The following BTNL8 variants were observed in gnomAD, a reference collection of about 807,000 sequenced individuals.
BTNL8 encodes butyrophilin like 8.
BTNL8 carries 22 observed loss-of-function variants against 36.1 expected under a neutral mutation model. The observed-to-expected ratio is 0.61, with a 90% confidence interval of 0.44 to 0.87. The LOEUF (loss-of-function observed/expected upper bound fraction) is 0.87, where lower values mean the gene tolerates loss of function less well. BTNL8 is among the 40% of genes least tolerant of loss of function. BTNL8 has a pLI of 0.00. For synonymous variants in BTNL8, 203 were observed against 235.6 expected, an observed-to-expected ratio of 0.86 and a Z score of 1.27; for missense variants, 526 against 616.9, an observed-to-expected ratio of 0.85 and a Z score of 1.56.
chr5:180,920,230 A>G (rs1205445557), intron 3 of BTNL8, among the ~76,000 whole-genome samples: 1 of 152,208 alleles, frequency 6.6e-6, no homozygotes, highest in East Asian at 1.9e-4. Flanking sequence ...ACCATATGGT[A>G]CTGGCATAAA....
chr5:180,925,179 T>C (rs1022754315), intron 3 of BTNL8, among the ~76,000 whole-genome samples: 1 of 152,198 alleles, frequency 6.6e-6, no homozygotes, highest in Non-Finnish European at 1.5e-5. Flanking sequence ...TACTGACTTT[T>C]GCATAATAGG....
intron 2 of BTNL8, 75 bp from the exon 3 acceptor site, chr5:180,911,263 GA>G: frequency 6.4e-7 from 1 of 1,570,934 alleles, no homozygotes; most frequent in South Asian, 1.2e-5. Context: ...GGGGTGGACT[GA>G]ATGCACCTGA....
chr5:180,947,345 C>T lies in BTNL8; in HGVS notation c.674-167C>T, dbSNP rs1455276826. ...CTGTTGAGAAGAAAATTAAATAGAA[C>T]CACTACCTCATTTTATAACAAAAGT... On this transcript the variant is annotated intron_variant, in intron 3 of 7. Coordinates refer to ENST00000340184, the MANE Select transcript of BTNL8 (RefSeq NM_001040462.3). 2.0e-5 allele frequency among the ~76,000 whole-genome samples: 3 copies of T among 152,270 alleles called. No homozygotes were observed. In the East Asian group the frequency reaches 5.8e-4, roughly 29 times the overall value.
intron 3 of BTNL8, among the ~76,000 whole-genome samples, chr5:180,924,514 C>A (rs2387710): frequency 3.3e-5 from 5 of 152,152 alleles, no homozygotes; most frequent in East Asian, 3.9e-4. Flanking sequence ...GCAGCACCAC[C>A]TGTCACAGGA....
chr5:180,928,519 C>T (rs1437614924), intron 3 of BTNL8, among the ~76,000 whole-genome samples: 3 of 152,126 alleles, frequency 2.0e-5, no homozygotes, highest in East Asian at 1.9e-4. Flanking sequence ...CATAGACTGG[C>T]AAATTTGATA....
chr5:180,914,217 G>T (rs184972142), intron 3 of BTNL8, among the ~76,000 whole-genome samples: 1 of 152,256 alleles, frequency 6.6e-6, no homozygotes, highest in East Asian at 1.9e-4. Flanking sequence ...CCTTATAAAA[G>T]GATTTAAGGG....
Position 180,911,557 on chromosome 5 carries a change from T to G in BTNL8, c.616T>G (p.Cys206Gly). ...CCAAGAGAACGCCGGGAGCATATCC[T>G]GTTCCATGCGGCATGCTCATCTGAG... The part of the protein sequence containing the change: ...TVQENAGSIS[C>G]SMRHAHLSRE... Residue 206 changes from cysteine to glycine, a missense_variant, in exon 3 of 8, where the codon TGT becomes GGT. This residue lies in a region of BTNL8 where 350 missense variants were observed against 324.6 expected (regional missense o/e 1.08). Transcript: ENST00000340184. The G allele has an allele frequency of 1.2e-6, 2 of 1,614,056 alleles. No homozygotes were observed. Among genetic ancestry groups the G allele is most frequent in the Non-Finnish European group, 8.5e-7 (1 of 1,179,996 alleles).
intron 5 of BTNL8, 37 bp from the exon 6 acceptor site, chr5:180,948,883 C>T: frequency 4.5e-6 from 3 of 671,288 alleles, no homozygotes; most frequent in South Asian, 1.8e-5. Context: ...TGACGTCAGC[C>T]TCTTACATGT....
intron 3 of BTNL8, among the ~76,000 whole-genome samples, chr5:180,929,808 T>C (rs535084795): frequency 6.6e-6 from 1 of 152,298 alleles, no homozygotes; most frequent in African/African-American, 2.4e-5. Context: ...GTTCTGAAAT[T>C]CAGGCAGTAA....
intron 1 of BTNL8, chr5:180,902,283 C>T: frequency 7.0e-7 from 1 of 1,437,422 alleles, no homozygotes; most frequent in Non-Finnish European, 9.5e-7. Flanking sequence ...GAGACTTTTT[C>T]CTCTGGATAA....
chr5:180,932,501 C>CA (rs748977621), intron 3 of BTNL8, among the ~76,000 whole-genome samples: 34 of 152,300 alleles, frequency 2.2e-4, no homozygotes, highest in East Asian at 1.9e-4. Flanking sequence ...TGCCCGCCAC[C>CA]ATGCCTGGCT....
intron 3 of BTNL8, among the ~76,000 whole-genome samples, chr5:180,920,420 T>TGGAC (rs1305174805): frequency 1.5e-5 from 2 of 137,842 alleles, no homozygotes; most frequent in East Asian, 2.2e-4. Context: ...GGACTCATAT[T>TGGAC]TTCCATCACA....
intron 3 of BTNL8, among the ~76,000 whole-genome samples, chr5:180,927,561 T>G (rs1353759720): frequency 6.6e-6 from 1 of 152,110 alleles, no homozygotes. Flanking sequence ...TCTAACCCAA[T>G]GCAAGGAAGC....
intron 3 of BTNL8, among the ~76,000 whole-genome samples, chr5:180,932,906 A>ACCATATAC (rs1383567743): frequency 6.6e-6 from 1 of 152,104 alleles, no homozygotes; most frequent in Admixed American, 6.6e-5. Flanking sequence ...TTTAAAATCA[A>ACCATATAC]CCATATACTA....
intron 2 of BTNL8, chr5:180,909,436 T>C: frequency 4.1e-6 from 2 of 490,114 alleles, no homozygotes; most frequent in Non-Finnish European, 5.3e-6. Context: ...TAAAGATTCC[T>C]GCTCACTTGT....
chr5:180,909,476 C>T, intron 2 of BTNL8: 1 of 921,300 alleles, frequency 1.1e-6, no homozygotes, highest in Non-Finnish European at 1.3e-6. Context: ...TCTGATACAG[C>T]AGGGAGCAAA....
intron 3 of BTNL8, among the ~76,000 whole-genome samples, chr5:180,912,200 G>C (rs1757431165): frequency 6.6e-6 from 1 of 152,122 alleles, no homozygotes; most frequent in African/African-American, 2.4e-5. Flanking sequence ...CGGACTTTTG[G>C]ACAGGAGTGA....
At chr5:180,905,896 T>C (rs1757057435) in intron 1 of BTNL8, among the ~76,000 whole-genome samples, 3 of 147,974 alleles carry the variant, frequency 2.0e-5, no homozygotes, top group Non-Finnish European at 3.0e-5. Flanking sequence ...GATAGTTTGT[T>C]ATAATTTCTG....
In BTNL8 at chr5:180,899,666, T is replaced by TAA. The variant is rs1208700838; in HGVS notation, c.49+307_49+308insAA. 9.2e-5 allele frequency among the ~76,000 whole-genome samples: 14 copies of TAA among 152,316 alleles called. No individual in the cohort carries two copies. The South Asian group carries it at 2.3e-3, about 25-fold the overall frequency. On this transcript the variant is annotated intron_variant, in intron 1 of 7. Coordinates refer to ENST00000340184, the MANE Select transcript of BTNL8 (RefSeq NM_001040462.3). Reference sequence around the variant, plus strand: ...GGCAGGGTTATTGGAGCACCAAGGTTGCTGACATGGATGTCCATCTGGGAA... The same window carrying TAA: ...GGCAGGGTTATTGGAGCACCAAGGTTAAGCTGACATGGATGTCCATCTGGGAA...
Sources: gnomAD v4.1 joint callset for allele counts (sites outside exome capture counted in the v4.1 genomes callset) on GRCh38, gnomAD v4.1.1 for gene constraint, gnomAD v4.1.1 regional missense constraint, MANE v1.5 for transcripts, NCBI Gene and HGNC (gene_info 2026-07-23, HGNC 2026-07-21) for gene names.